The following ASNS variants were observed in gnomAD, a reference collection of about 807,000 sequenced individuals.
ASNS encodes asparagine synthetase (glutamine-hydrolyzing).
A neutral mutation model predicts 62.6 loss-of-function variants in ASNS; 37 were observed. That is an observed-to-expected ratio of 0.59 (90% CI 0.45 to 0.78). The LOEUF (loss-of-function observed/expected upper bound fraction) is 0.78, where lower values mean the gene tolerates loss of function less well. ASNS is among the 30% of genes least tolerant of loss of function. The pLI is 0.00. For synonymous variants in ASNS, 207 were observed against 237.9 expected (o/e 0.87, Z 1.19); for missense variants, 520 against 682.4 (o/e 0.76, Z 2.65).
upstream of ASNS, among the ~76,000 whole-genome samples, chr7:97,877,095 CT>C (rs55853302): frequency 0.74 from 89,525 of 120,318 alleles, 32,557 homozygotes; most frequent in East Asian, 0.87. Context: ...CATTTAACTT[CT>C]TTTTTTTTTT....
At chr7:97,909,099 G>C in the ASNS span, 1 of 152,114 alleles carries the variant, frequency 6.6e-6, no homozygotes, top group Non-Finnish European at 1.5e-5. Flanking sequence ...GAAATGGTTT[G>C]ATCAAGGTTG....
the ASNS span, among the ~76,000 whole-genome samples, chr7:97,925,402 G>C: frequency 6.6e-6 from 1 of 152,092 alleles, no homozygotes; most frequent in African/African-American, 2.4e-5. Context: ...GGGTGGTTTT[G>C]CTCACGTACC....
chr7:97,896,644 A>ATG, the ASNS span, among the ~76,000 whole-genome samples: 7 of 136,484 alleles, frequency 5.1e-5, no homozygotes, highest in South Asian at 1.1e-3. Flanking sequence ...ATATATATAT[A>ATG]TGTGTATATA....
rs115812818 is a variant in ASNS at position 97,860,805 on chromosome 7, G to A, written c.488-1407C>T. Among the ~76,000 whole-genome samples, 533 of 152,240 alleles carry A rather than the reference G, an allele frequency of 3.5e-3. 5 individuals carry two copies. The highest frequency in any genetic ancestry group is 0.012 in the African/African-American group (505 of 41,536). On this transcript the variant is annotated intron_variant, in intron 4 of 12. Coordinates refer to ENST00000394308, the MANE Select transcript of ASNS (RefSeq NM_001673.5). ...AGTATTTTCTTCCAACTTGTGGGCC[G>A]TCTTTTCACTTTCTTGATGGTGTCC... is the stretch of plus-strand genomic sequence containing the variant.
chr7:97,859,070 G>T, intron 5 of ASNS, 115 bp from the exon 6 acceptor site: 2 of 1,376,234 alleles, frequency 1.5e-6, no homozygotes, highest in Non-Finnish European at 2.0e-6. Context: ...CAATGGTGGA[G>T]TGTGCCAAAT....
At chr7:97,921,395 A>G in the ASNS span, among the ~76,000 whole-genome samples, 3 of 152,230 alleles carry the variant, frequency 2.0e-5, no homozygotes, top group African/African-American at 7.2e-5. Flanking sequence ...GCAGGAAAGC[A>G]GCCACAGACA....
At chr7:97,887,332 A>G in the ASNS span, among the ~76,000 whole-genome samples, 1 of 152,124 alleles carries the variant, frequency 6.6e-6, no homozygotes, top group African/African-American at 2.4e-5. Context: ...AGTGCATTCA[A>G]CCAATACTTA....
chr7:97,852,410 G>A lies in ASNS; in HGVS notation c.1535C>T (p.Thr512Ile). The change falls in exon 13 of 13, where the codon ACC becomes ATC. Residue 512 changes from threonine (T) to isoleucine (I), a missense_variant. Coordinates refer to ENST00000394308, the MANE Select transcript of ASNS (RefSeq NM_001673.5). Reference protein sequence around the residue: ...AQKFPFNTPKTKEGYYYRQVF... With the variant: ...AQKFPFNTPKIKEGYYYRQVF... ...TTGACGGTAGTAATATCCTTCTTTG[G>A]TTTTAGGAGTATTGAAGGGAAATTT... 3 of 1,614,138 alleles carry A rather than the reference G, an allele frequency of 1.9e-6. No individual in the cohort carries two copies. The highest frequency in any genetic ancestry group is 2.5e-6 in the Non-Finnish European group (3 of 1,180,030).
At chr7:97,920,373 C>G in the ASNS span, among the ~76,000 whole-genome samples, 3 of 152,178 alleles carry the variant, frequency 2.0e-5, no homozygotes, top group South Asian at 2.1e-4. Context: ...GTCCTGCCCC[C>G]CTCCAGAGCT....
At chr7:97,877,776 A>G in the ASNS span, among the ~76,000 whole-genome samples, 1 of 152,268 alleles carries the variant, frequency 6.6e-6, no homozygotes, top group South Asian at 2.1e-4. Flanking sequence ...CCCACCTAAG[A>G]TCATCCTGCT....
the ASNS span, among the ~76,000 whole-genome samples, chr7:97,884,126 G>T: frequency 6.6e-6 from 1 of 152,126 alleles, no homozygotes; most frequent in Non-Finnish European, 1.5e-5. Context: ...CCCAAGGTGG[G>T]ACCACTCGTG....
chr7:97,858,721 C>T, intron 6 of ASNS, 133 bp downstream of exon 6: 1 of 907,790 alleles, frequency 1.1e-6, no homozygotes, highest in Admixed American at 2.9e-5. Flanking sequence ...TATAAAAAAT[C>T]ATTTCCATCC....
Position 97,868,892 on chromosome 7 carries a change from G to A in ASNS, c.249+16C>T, listed in dbSNP as rs1303618545. ...AAGTTTAATCGCATCCAGACATCTG[G>A]TTTCTTTCTCCTCACCTTCTTATGG... On this transcript the variant is annotated intron_variant, in intron 3 of 12. Transcript: ENST00000394308. The A allele has an allele frequency of 8.7e-6, 14 of 1,611,806 alleles. No individual in the cohort carries two copies. Among genetic ancestry groups the A allele is most frequent in the Non-Finnish European group, 1.2e-5 (14 of 1,179,060 alleles).
chr7:97,853,461 TC>T, intron 10 of ASNS, 75 bp from the exon 11 acceptor site: 1 of 1,239,700 alleles, frequency 8.1e-7, no homozygotes, highest in African/African-American at 1.5e-5. Context: ...TGATTCAGTT[TC>T]CCATCAATTC....
chr7:97,912,687 A>AT, the ASNS span, among the ~76,000 whole-genome samples: 1 of 142,692 alleles, frequency 7.0e-6, no homozygotes, highest in Non-Finnish European at 1.5e-5. Flanking sequence ...AGCTCAAATG[A>AT]TTCTTGTGCC....
chr7:97,864,320 G>A lies in ASNS; in HGVS notation c.426C>T (p.Val142=), dbSNP rs1562820329. The change falls in exon 4 of 13, where the codon GTC becomes GTT. Residue 142 remains valine, a synonymous_variant. Transcript: ENST00000394308. ...CTGTCATTGCTTTAAACAAAGGTCT[G>A]ACTCCATATGTATCTCTACCCAGGA... is the stretch of plus-strand genomic sequence containing the variant. The part of the protein sequence containing the change: ...KVFLGRDTYG[V]RPLFKAMTED... 6.8e-6 allele frequency: 11 copies of A among 1,613,712 alleles called. No homozygotes were observed. The highest frequency in any genetic ancestry group is 9.3e-6 in the Non-Finnish European group (11 of 1,179,766).
the ASNS span, among the ~76,000 whole-genome samples, chr7:97,884,503 CGCACCACTCCACCCAAGCCTGG>C: frequency 6.6e-6 from 1 of 152,200 alleles, no homozygotes; most frequent in East Asian, 1.9e-4. Flanking sequence ...GAGCCAAGGT[CGCACCACTCCACCCAAGCCTGG>C]GCGTCAAGAG....
chr7:97,868,533 G>GTGTGTA (rs1554350469), intron 3 of ASNS, among the ~76,000 whole-genome samples: 1,801 of 123,736 alleles, frequency 0.015, 44 homozygotes, highest in African/African-American at 0.05. Context: ...GTGTGTGTGT[G>GTGTGTA]TGTGTGTGTG....
the ASNS span, among the ~76,000 whole-genome samples, chr7:97,885,609 T>C: frequency 2.5e-3 from 342 of 134,330 alleles, no homozygotes; most frequent in South Asian, 6.8e-3. Context: ...CTCCCCTAGA[T>C]CCTCAGGGTC....
Sources: allele counts gnomAD v4.1 joint callset (sites outside exome capture counted in the v4.1 genomes callset), GRCh38; gene constraint gnomAD v4.1.1; transcripts MANE v1.5; gene names NCBI Gene and HGNC (gene_info 2026-07-23, HGNC 2026-07-21).